The following PTPRT variants were observed in gnomAD, a reference collection of about 807,000 sequenced individuals.
PTPRT encodes protein tyrosine phosphatase receptor type T.
PTPRT carries 56 observed loss-of-function variants against 176.8 expected under a neutral mutation model. The observed-to-expected ratio is 0.32, with a 90% confidence interval of 0.26 to 0.40. The LOEUF (loss-of-function observed/expected upper bound fraction) is 0.40. Ranked by LOEUF, PTPRT falls within the 10% of genes least tolerant of loss-of-function variation. The pLI is 1.00. For missense variants in PTPRT, 1,540 were observed against 1,908.2 expected (o/e 0.81, Z 3.60); for synonymous variants, 783 against 739.0 (o/e 1.06, Z -0.96).
chr20:42,067,758 G>C (rs1982129888), downstream of PTPRT, among the ~76,000 whole-genome samples: 1 of 152,166 alleles, frequency 6.6e-6, no homozygotes. Context: ...CAAAAGCCTG[G>C]TTGGACATCT....
At chr20:42,227,300 G>T (rs1383995923) in intron 15 of PTPRT, among the ~76,000 whole-genome samples, 2 of 152,170 alleles carry the variant, frequency 1.3e-5, no homozygotes, top group African/African-American at 4.8e-5. Context: ...GCCAACCCCA[G>T]GGGAGGCCCT....
At chr20:42,684,418 T>C (rs546107153) in intron 6 of PTPRT, among the ~76,000 whole-genome samples, 82 of 152,214 alleles carry the variant, frequency 5.4e-4, no homozygotes, top group Admixed American at 9.2e-4. Flanking sequence ...GATGTCTTAC[T>C]TAAATGGGTA....
chr20:42,408,691 C>T (rs1046480716), intron 9 of PTPRT, among the ~76,000 whole-genome samples: 35 of 151,982 alleles, frequency 2.3e-4, no homozygotes, highest in South Asian at 2.1e-4. Context: ...ACCAATCCAT[C>T]TTGCAATACA....
chr20:42,706,994 G>C (rs777417407), intron 6 of PTPRT, among the ~76,000 whole-genome samples: 3 of 152,160 alleles, frequency 2.0e-5, no homozygotes, highest in Non-Finnish European at 2.9e-5. Flanking sequence ...CAGAGGACTG[G>C]AGTAATGAAT....
At chr20:43,152,980 T>G (rs2014408020) in intron 1 of PTPRT, among the ~76,000 whole-genome samples, 1 of 152,224 alleles carries the variant, frequency 6.6e-6, no homozygotes, top group African/African-American at 2.4e-5. Flanking sequence ...AGGTTTTATC[T>G]ACTCCCTGTT....
chr20:43,182,483 T>G (rs939590176), intron 1 of PTPRT, among the ~76,000 whole-genome samples: 3 of 151,872 alleles, frequency 2.0e-5, no homozygotes, highest in Non-Finnish European at 4.4e-5. Flanking sequence ...CTCCACCACC[T>G]GGGTTCAAGC....
intron 6 of PTPRT, among the ~76,000 whole-genome samples, chr20:42,694,888 C>T (rs984942116): frequency 2.0e-5 from 3 of 152,180 alleles, no homozygotes; most frequent in Non-Finnish European, 4.4e-5. Context: ...ACTGTGGCTA[C>T]AGTCCTCTCA....
intron 6 of PTPRT, among the ~76,000 whole-genome samples, chr20:42,683,682 G>A (rs1001625296): frequency 6.6e-6 from 1 of 152,170 alleles, no homozygotes; most frequent in Non-Finnish European, 1.5e-5. Context: ...GATGTTCAAT[G>A]CTGATTAAAC....
intron 16 of PTPRT, among the ~76,000 whole-genome samples, chr20:42,167,500 T>C (rs1388628831): frequency 6.6e-6 from 1 of 152,226 alleles, no homozygotes; most frequent in African/African-American, 2.4e-5. Flanking sequence ...AACTAGCTAA[T>C]CAAATTCCTG....
chr20:42,205,983 G>A (rs1248982799), intron 15 of PTPRT, among the ~76,000 whole-genome samples: 1 of 152,058 alleles, frequency 6.6e-6, no homozygotes, highest in Non-Finnish European at 1.5e-5. Context: ...ACAAGACACT[G>A]AGGCCTGGAC....
Position 42,752,024 on chromosome 20 carries a change from C to T in PTPRT, c.859+4438G>A, listed in dbSNP as rs185566046. On this transcript the variant is annotated intron_variant, in intron 6 of 30. Transcript: ENST00000373187. ...CATGACCCAAATGTCCCCCAGTCCA[C>T]ACTTTCATATTTCCTCCCTCCCTCT... 8.3e-4 allele frequency among the ~76,000 whole-genome samples: 126 copies of T among 152,282 alleles called. 1 individual carries two copies. The East Asian group carries it at 0.019, about 23-fold the overall frequency.
intron 7 of PTPRT, among the ~76,000 whole-genome samples, chr20:42,588,434 C>T (rs1180530263): frequency 1.3e-5 from 2 of 151,732 alleles, no homozygotes; most frequent in Non-Finnish European, 2.9e-5. Flanking sequence ...GGCAACAGAG[C>T]CAAACTGTCC....
intron 16 of PTPRT, among the ~76,000 whole-genome samples, chr20:42,176,512 C>T (rs1410322550): frequency 1.3e-5 from 2 of 152,080 alleles, no homozygotes; most frequent in Admixed American, 1.3e-4. Context: ...GTTGTATGTG[C>T]ACTGAAAACA....
chr20:43,051,661 C>G (rs1163910174), intron 1 of PTPRT, among the ~76,000 whole-genome samples: 1 of 134,054 alleles, frequency 7.5e-6, no homozygotes, highest in Non-Finnish European at 1.5e-5. Context: ...CTACATTATT[C>G]TATATTATTT....
chr20:42,388,228 G>A (rs1195608088), intron 9 of PTPRT, among the ~76,000 whole-genome samples: 1 of 152,202 alleles, frequency 6.6e-6, no homozygotes, highest in African/African-American at 2.4e-5. Context: ...AGGACTTCAT[G>A]TCTGAAACAC....
chr20:42,496,490 C>T (rs1002534182), intron 7 of PTPRT, among the ~76,000 whole-genome samples: 1 of 152,082 alleles, frequency 6.6e-6, no homozygotes, highest in African/African-American at 2.4e-5. Flanking sequence ...GGCACCGCTC[C>T]TTCTATGTCT....
At chr20:42,760,152 C>T (rs542110561) in intron 5 of PTPRT, among the ~76,000 whole-genome samples, 4 of 152,250 alleles carry the variant, frequency 2.6e-5, no homozygotes, top group African/African-American at 9.6e-5. Flanking sequence ...TGACGGAGGG[C>T]AGCTCTCTGG....
intron 2 of PTPRT, among the ~76,000 whole-genome samples, chr20:42,830,418 C>T (rs981594403): frequency 6.6e-6 from 1 of 152,120 alleles, no homozygotes; most frequent in Non-Finnish European, 1.5e-5. Context: ...TAAAAACTTT[C>T]AATACACTAC....
At chr20:42,096,013 C>T (rs868274889) in intron 27 of PTPRT, among the ~76,000 whole-genome samples, 2 of 152,188 alleles carry the variant, frequency 1.3e-5, no homozygotes, top group Admixed American at 6.5e-5. Flanking sequence ...CCAGACTCAA[C>T]TTCCTGCCAT....
Sources: allele counts gnomAD v4.1 joint callset (sites outside exome capture counted in the v4.1 genomes callset), GRCh38; gene constraint gnomAD v4.1.1; transcripts MANE v1.5; gene names NCBI Gene and HGNC (gene_info 2026-07-23, HGNC 2026-07-21).